Variants in LRRC8C observed in about 807,000 individuals in gnomAD.
The protein encoded by LRRC8C is volume-regulated anion channel subunit LRRC8C.
In LRRC8C, 20 loss-of-function variants were observed where a neutral mutation model predicts 55.3. That is an observed-to-expected ratio of 0.36 (90% CI 0.25 to 0.53). The LOEUF is 0.53. Ranked by LOEUF, LRRC8C falls within the 20% of genes least tolerant of loss-of-function variation. The pLI is 0.92. For missense variants in LRRC8C, 659 were observed against 951.4 expected (o/e 0.69, Z 4.04); for synonymous variants, 376 against 360.7 (o/e 1.04, Z -0.48).
chr1:89,643,235 G>A (rs530039211), intron 1 of LRRC8C, among the ~76,000 whole-genome samples: 2 of 152,218 alleles, frequency 1.3e-5, no homozygotes, highest in South Asian at 4.2e-4. Flanking sequence ...GGAAGCACAG[G>A]CACACGCCAC....
intron 2 of LRRC8C, among the ~76,000 whole-genome samples, chr1:89,700,629 T>C (rs767779577): frequency 2.6e-5 from 4 of 152,234 alleles, no homozygotes; most frequent in Non-Finnish European, 5.9e-5. Flanking sequence ...GTGATTTTGC[T>C]ATATCCTTCT....
chr1:89,688,786 A>G (rs939490490), intron 2 of LRRC8C, among the ~76,000 whole-genome samples: 9 of 152,206 alleles, frequency 5.9e-5, no homozygotes, highest in Non-Finnish European at 2.9e-5. Context: ...ATGACTGCTG[A>G]TTGGTCAACT....
chr1:89,677,761 T>C (rs1317205702), intron 1 of LRRC8C, among the ~76,000 whole-genome samples: 1 of 152,236 alleles, frequency 6.6e-6, no homozygotes, highest in Non-Finnish European at 1.5e-5. Context: ...TTTAATTAAA[T>C]ACATTTCTAC....
At chr1:89,697,299 G>T (rs1167256816) in intron 2 of LRRC8C, among the ~76,000 whole-genome samples, 1 of 152,040 alleles carries the variant, frequency 6.6e-6, no homozygotes, top group African/African-American at 2.4e-5. Flanking sequence ...AGTTTTATTT[G>T]CATGCTTCCC....
chr1:89,693,767 A>G (rs745353480), intron 2 of LRRC8C, among the ~76,000 whole-genome samples: 20 of 139,832 alleles, frequency 1.4e-4, no homozygotes, highest in Non-Finnish European at 2.6e-4. Flanking sequence ...AGCAATTCTC[A>G]TACCTCAGCC....
rs1157628350 is a variant in LRRC8C, at chr1:89,692,546, T to C, written c.138+5935T>C. 2.0e-5 allele frequency among the ~76,000 whole-genome samples: 3 copies of C among 152,346 alleles called. No individual in the cohort carries two copies. In the East Asian group the frequency reaches 5.8e-4, roughly 29 times the overall value. ...CTTTCTTGCACTTATGTAAAAGGAT[T>C]AGAACCAGCACTTTTGCCTTACTTG... On this transcript the variant is annotated intron_variant, in intron 2 of 2. Transcript: ENST00000370454.
At chr1:89,706,637 C>T (rs535588168) in intron 2 of LRRC8C, among the ~76,000 whole-genome samples, 19 of 152,168 alleles carry the variant, frequency 1.2e-4, no homozygotes, top group Non-Finnish European at 2.6e-4. Flanking sequence ...ACTCCACTTA[C>T]AGTGCATCTC....
At chr1:89,699,475 T>TA (rs1658262427) in intron 2 of LRRC8C, among the ~76,000 whole-genome samples, 1 of 152,120 alleles carries the variant, frequency 6.6e-6, no homozygotes, top group African/African-American at 2.4e-5. Context: ...TGGATGGAGG[T>TA]AGGGAGCATT....
At chr1:89,664,161 C>T (rs1339797343) in intron 1 of LRRC8C, among the ~76,000 whole-genome samples, 1 of 152,090 alleles carries the variant, frequency 6.6e-6, no homozygotes, top group African/African-American at 2.4e-5. Context: ...TCCCATTTGT[C>T]AATTTTGGCT....
intron 1 of LRRC8C, among the ~76,000 whole-genome samples, chr1:89,648,831 T>C (rs1387443683): frequency 6.6e-6 from 1 of 152,232 alleles, no homozygotes; most frequent in Non-Finnish European, 1.5e-5. Flanking sequence ...GTAAGTGGTA[T>C]CAAAAATACG....
intron 1 of LRRC8C, among the ~76,000 whole-genome samples, chr1:89,654,703 A>G (rs1656891788): frequency 6.6e-6 from 1 of 152,104 alleles, no homozygotes; most frequent in South Asian, 2.1e-4. Context: ...CTGGCATACA[A>G]TATTGTTGGT....
intron 2 of LRRC8C, among the ~76,000 whole-genome samples, chr1:89,706,782 C>G (rs987973031): frequency 6.6e-6 from 1 of 152,068 alleles, no homozygotes; most frequent in Non-Finnish European, 1.5e-5. Flanking sequence ...TGAAACCCTT[C>G]CCCTCCCCCA....
chr1:89,662,365 C>G (rs1657144208), intron 1 of LRRC8C, among the ~76,000 whole-genome samples: 1 of 151,822 alleles, frequency 6.6e-6, no homozygotes, highest in African/African-American at 2.4e-5. Flanking sequence ...TTGCAGAGGG[C>G]CTTTTAGGAC....
intron 1 of LRRC8C, among the ~76,000 whole-genome samples, chr1:89,669,198 T>C (rs2101233396): frequency 6.6e-6 from 1 of 152,110 alleles, no homozygotes; most frequent in South Asian, 2.1e-4. Flanking sequence ...CAGAAAGATA[T>C]GTGATTCCAT....
intron 2 of LRRC8C, among the ~76,000 whole-genome samples, chr1:89,689,583 T>C (rs959609479): frequency 6.6e-6 from 1 of 152,042 alleles, no homozygotes; most frequent in Non-Finnish European, 1.5e-5. Context: ...GCAGTTGTTC[T>C]GCATGTATTT....
intron 1 of LRRC8C, among the ~76,000 whole-genome samples, chr1:89,647,670 A>T (rs886288877): frequency 1.3e-5 from 2 of 152,140 alleles, no homozygotes; most frequent in Non-Finnish European, 2.9e-5. Flanking sequence ...CTCGAAAATA[A>T]TTTTTCATTT....
chr1:89,668,301 T>G (rs1050591829), intron 1 of LRRC8C: 1 of 152,472 alleles, frequency 6.6e-6, no homozygotes, highest in Non-Finnish European at 1.5e-5. Flanking sequence ...TAGCATCAAA[T>G]GAAAAACAGG....
intron 1 of LRRC8C, among the ~76,000 whole-genome samples, chr1:89,640,649 T>C (rs1656428838): frequency 6.6e-6 from 1 of 152,212 alleles, no homozygotes; most frequent in South Asian, 2.1e-4. Flanking sequence ...CCAGCACACA[T>C]AACTTTCTAG....
At chr1:89,667,513 T>C (rs1010110566) in intron 1 of LRRC8C, among the ~76,000 whole-genome samples, 1 of 152,114 alleles carries the variant, frequency 6.6e-6, no homozygotes, top group African/African-American at 2.4e-5. Context: ...GAGTTACTTA[T>C]ATTGGGAAAA....
Sources: gnomAD v4.1 joint callset for allele counts (sites outside exome capture counted in the v4.1 genomes callset) on GRCh38, gnomAD v4.1.1 for gene constraint, MANE v1.5 for transcripts, NCBI Gene and HGNC (gene_info 2026-07-23, HGNC 2026-07-21) for gene names.